The following CEP85 variants were observed in gnomAD, a reference collection of about 807,000 sequenced individuals.
CEP85 encodes centrosomal protein 85, also known as centrosomal protein of 85 kDa.
A neutral mutation model predicts 93.7 loss-of-function variants in CEP85; 58 were observed. The observed-to-expected ratio is 0.62, with a 90% CI of 0.50 to 0.77. The LOEUF (loss-of-function observed/expected upper bound fraction) is 0.77. Ranked by LOEUF, CEP85 falls within the 30% of genes least tolerant of loss-of-function variation. CEP85 has a pLI of 0.00. For missense variants in CEP85, 868 were observed against 922.0 expected (o/e 0.94, Z 0.76); for synonymous variants, 314 against 338.6 (o/e 0.93, Z 0.80).
chr1:26,260,989 C>G (rs546845070), intron 7 of CEP85, among the ~76,000 whole-genome samples: 1 of 151,398 alleles, frequency 6.6e-6, no homozygotes, highest in Admixed American at 6.6e-5. Flanking sequence ...TGGGGTTTCA[C>G]CATGTTGGCC....
intron 1 of CEP85, 61 bp downstream of exon 1, chr1:26,234,371 G>T (rs571256937): frequency 1.3e-5 from 2 of 152,392 alleles, no homozygotes; most frequent in East Asian, 3.9e-4. Flanking sequence ...TCCTCCCATA[G>T]CTCCGGCGAA....
chr1:26,256,379 A>G (rs892182476), intron 4 of CEP85, among the ~76,000 whole-genome samples: 3 of 151,780 alleles, frequency 2.0e-5, no homozygotes, highest in Admixed American at 6.6e-5. Flanking sequence ...AAAAATATAA[A>G]AATTAGCCAG....
intron 12 of CEP85, among the ~76,000 whole-genome samples, chr1:26,275,525 C>T (rs1440619311): frequency 1.4e-4 from 21 of 152,306 alleles, no homozygotes; most frequent in African/African-American, 5.1e-4. Context: ...GTGATCCGCC[C>T]ACTTTGGCCT....
Position 26,267,468 on chromosome 1 carries a change from G to T in CEP85, c.1342-1015G>T, listed in dbSNP as rs1360950687. ...AATCCCAGCTACTCGGGAAACTGAG[G>T]CAGGAGACTCTCTTGAACCCAGGAG... On this transcript the variant is annotated intron_variant, in intron 7 of 13. Transcript: ENST00000451429. Among the ~76,000 whole-genome samples the T allele has an allele frequency of 6.6e-5, 10 of 152,282 alleles. No individual in the cohort carries two copies. In the East Asian group the frequency reaches 1.9e-3, roughly 29 times the overall value.
At chr1:26,269,346 C>A in intron 8 of CEP85, 114 bp from the exon 9 acceptor site, 2 of 1,054,622 alleles carry the variant, frequency 1.9e-6, no homozygotes, top group Non-Finnish European at 2.8e-6. Flanking sequence ...AATTGCCTTG[C>A]TGAGGAAATT....
At position 26,268,582 on chromosome 1, in the gene CEP85, C is replaced by T. The variant is rs771779625; in HGVS notation, c.1441C>T (p.Arg481Cys). Residue 481 changes from arginine to cysteine, a missense_variant, in exon 8 of 14, where the codon CGC (arginine) becomes TGC (cysteine). By Grantham distance (180) the Arg-to-Cys change is radical. Transcript: ENST00000451429. ...EKQQRIETLERYLADLPTLED... is the reference protein window; with the variant it reads ...EKQQRIETLECYLADLPTLED... ...GCAGCAGCGTATTGAGACCTTGGAG[C>T]GCTACCTGGCTGACCTGCCCACACT... 25 of 1,613,802 alleles carry T rather than the reference C, an allele frequency of 1.5e-5. No individual in the cohort carries two copies. Among genetic ancestry groups the T allele is most frequent in the Middle Eastern group, 1.6e-4 (1 of 6,068 alleles).
At chr1:26,246,359 T>C (rs1234138343) in intron 3 of CEP85, among the ~76,000 whole-genome samples, 1 of 152,144 alleles carries the variant, frequency 6.6e-6, no homozygotes, top group African/African-American at 2.4e-5. Flanking sequence ...CCACAACTGA[T>C]GAATGAATGA....
intron 1 of CEP85, among the ~76,000 whole-genome samples, chr1:26,239,361 A>T (rs925748862): frequency 4.0e-5 from 6 of 151,750 alleles, no homozygotes; most frequent in Admixed American, 3.3e-4. Context: ...ATTCTTTTTT[A>T]TTTTTTTTGA....
Position 26,257,354 on chromosome 1 carries a change from A to C in CEP85, c.904-243A>C, listed in dbSNP as rs41284341. Among the ~76,000 whole-genome samples, 887 of 152,328 alleles carry C rather than the reference A, an allele frequency of 5.8e-3. 1 individual carries two copies. The highest frequency in any genetic ancestry group is 9.7e-3 in the Non-Finnish European group (658 of 68,026). ...GGTTTGCCTCTGTTGCTAGATAATA[A>C]AAGATAACTGACCTTTTCTTAGAAA... is the stretch of plus-strand genomic sequence containing the variant. On this transcript the variant is annotated intron_variant, in intron 4 of 13. Transcript: ENST00000451429.
At chr1:26,268,381 C>T in intron 7 of CEP85, 102 bp from the exon 8 acceptor site, 1 of 1,341,938 alleles carries the variant, frequency 7.5e-7, no homozygotes, top group Non-Finnish European at 1.1e-6. Context: ...TCACTTGAGC[C>T]TGGGAGGTGG....
At chr1:26,272,283 A>T (rs2089986302) in intron 11 of CEP85, 1 of 569,552 alleles carries the variant, frequency 1.8e-6, no homozygotes, top group Admixed American at 3.0e-5. Context: ...TCCCCACAGT[A>T]TCCTGGGGGA....
chr1:26,276,820 C>G, intron 13 of CEP85, 60 bp downstream of exon 13: 1 of 1,302,330 alleles, frequency 7.7e-7, no homozygotes, highest in Non-Finnish European at 1.1e-6. Flanking sequence ...CTTCTCTCCC[C>G]CATCCTGCTT....
chr1:26,249,432 G>C (rs1451991456), intron 3 of CEP85, among the ~76,000 whole-genome samples: 1 of 152,224 alleles, frequency 6.6e-6, no homozygotes, highest in African/African-American at 2.4e-5. Context: ...TTGCGGTCTA[G>C]TTGACAAGAA....
intron 1 of CEP85, among the ~76,000 whole-genome samples, chr1:26,238,950 C>A (rs908836387): frequency 2.0e-5 from 3 of 152,128 alleles, no homozygotes; most frequent in African/African-American, 4.8e-5. Context: ...TCTTTCCCAT[C>A]TTTTTACATC....
Position 26,277,560 on chromosome 1 carries a change from T to G in CEP85, c.*267T>G. 1.2e-5 allele frequency: 4 copies of G among 332,638 alleles called. No individual in the cohort carries two copies. Among genetic ancestry groups the G allele is most frequent in the Non-Finnish European group, 2.3e-5 (4 of 172,652 alleles). The allele number at this position is 332,638 out of a possible 1,614,324, so 20.6% of individuals were successfully genotyped here. A position where few individuals can be genotyped will look rare whatever the true frequency, so the allele number is the denominator to read the frequency against. ...ACAACAGATAAGTCCTCACAAACTG[T>G]TCCCAGCCCTAGGCTGACATGAGAG... On this transcript the variant is annotated 3_prime_UTR_variant, in exon 14 of 14. Coordinates refer to ENST00000451429, the MANE Select transcript of CEP85 (RefSeq NM_001319944.2).
intron 8 of CEP85, among the ~76,000 whole-genome samples, chr1:26,269,002 C>T (rs894444238): frequency 3.3e-5 from 5 of 152,178 alleles, no homozygotes; most frequent in African/African-American, 1.2e-4. Context: ...TCTGTTCCCC[C>T]GGTCACCTAC....
intron 6 of CEP85, among the ~76,000 whole-genome samples, chr1:26,259,356 T>C (rs1404945130): frequency 6.6e-6 from 1 of 152,166 alleles, no homozygotes; most frequent in Non-Finnish European, 1.5e-5. Flanking sequence ...GGAGCGCTTG[T>C]TAAAATACAG....
intron 3 of CEP85, among the ~76,000 whole-genome samples, chr1:26,254,186 T>A (rs1440045007): frequency 6.6e-6 from 1 of 152,102 alleles, no homozygotes; most frequent in African/African-American, 2.4e-5. Context: ...TGAATATAGT[T>A]GAAAAGAGAA....
At chr1:26,264,185 G>A (rs562375578) in intron 7 of CEP85, among the ~76,000 whole-genome samples, 1 of 152,034 alleles carries the variant, frequency 6.6e-6, no homozygotes, top group South Asian at 2.1e-4. Flanking sequence ...TCTGTTTTTG[G>A]TGTCTTTCAT....
Sources: allele counts gnomAD v4.1 joint callset (sites outside exome capture counted in the v4.1 genomes callset), GRCh38; gene constraint gnomAD v4.1.1; transcripts MANE v1.5; gene names NCBI Gene and HGNC (gene_info 2026-07-23, HGNC 2026-07-21).